Variants in RCN2 observed in about 807,000 individuals in gnomAD.
The protein encoded by RCN2 is reticulocalbin 2, also known as reticulocalbin-2.
In RCN2, 23 loss-of-function variants were observed where a neutral mutation model predicts 37.5. The observed-to-expected ratio is 0.61, with a 90% CI of 0.44 to 0.87. The LOEUF is 0.87. Among genes scored for constraint, RCN2 ranks in the 40% least tolerant of loss-of-function variants. The probability of loss-of-function intolerance (pLI) is 0.00; values close to 1 mark genes in which losing one functional copy is unlikely to be tolerated. For synonymous variants in RCN2, 140 were observed against 144.6 expected, an observed-to-expected ratio of 0.97 and a Z score of 0.23; for missense variants, 381 against 390.4, an observed-to-expected ratio of 0.98 and a Z score of 0.20.
At chr15:76,939,624 T>G (rs1031816760) in intron 3 of RCN2, among the ~76,000 whole-genome samples, 4 of 152,204 alleles carry the variant, frequency 2.6e-5, no homozygotes, top group Non-Finnish European at 5.9e-5. Context: ...ATCTGTCTAT[T>G]AAGTATCCCC....
intron 3 of RCN2, among the ~76,000 whole-genome samples, chr15:76,940,962 A>G (rs1173072876): frequency 6.6e-6 from 1 of 152,198 alleles, no homozygotes; most frequent in Admixed American, 6.5e-5. Flanking sequence ...AATATAAAGA[A>G]CAGTTATGGT....
chr15:76,934,911 T>TA (rs2075240323), intron 2 of RCN2, among the ~76,000 whole-genome samples: 1 of 152,194 alleles, frequency 6.6e-6, no homozygotes, highest in Non-Finnish European at 1.5e-5. Context: ...GGCCAGTTGG[T>TA]AATTCATTCA....
chr15:76,938,624 A>G (rs1333378226), intron 3 of RCN2: 2 of 422,202 alleles, frequency 4.7e-6, no homozygotes, highest in Non-Finnish European at 5.0e-6. Context: ...TCCTTGGTAA[A>G]TGCTTTCTAA....
intron 6 of RCN2, 96 bp from the exon 7 acceptor site, chr15:76,948,974 C>A: frequency 8.9e-7 from 1 of 1,117,358 alleles, no homozygotes; most frequent in Non-Finnish European, 1.3e-6. Flanking sequence ...AGTACTTGTA[C>A]ACCTGGATGA....
chr15:76,936,335 T>G (rs1338662196), intron 3 of RCN2, among the ~76,000 whole-genome samples: 1 of 150,776 alleles, frequency 6.6e-6, no homozygotes, highest in Non-Finnish European at 1.5e-5. Context: ...CCAACCTTTT[T>G]GGCACCAGGG....
chr15:76,949,353 G>C lies in RCN2; in HGVS notation c.*131G>C. On this transcript the variant is annotated 3_prime_UTR_variant, in exon 7 of 7. Coordinates refer to ENST00000394885, the MANE Select transcript of RCN2 (RefSeq NM_002902.3). ...CCACAGTCAGAATTATCTTAATGTA[G>C]ATTATAATTTTGGTCTTTTAGGAAA... 1 of 648,298 alleles carries C rather than the reference G, an allele frequency of 1.5e-6. No individual in the cohort carries two copies. Among genetic ancestry groups the C allele is most frequent in the South Asian group, 5.1e-5 (1 of 19,502 alleles). 40.2% of individuals were successfully genotyped at this position (648,298 alleles called of 1,614,324 possible).
chr15:76,932,281 C>A, intron 1 of RCN2, 80 bp from the exon 2 acceptor site: 1 of 1,134,332 alleles, frequency 8.8e-7, no homozygotes, highest in Non-Finnish European at 1.3e-6. Flanking sequence ...AGGGGGTCTT[C>A]TAGTAGCCCT....
rs1568457899 is a variant in RCN2, at chr15:76,931,805, T to G, written c.-37T>G. The G allele has an allele frequency of 2.5e-6, 3 of 1,198,560 alleles. No homozygotes were observed. The highest frequency in any genetic ancestry group is 9.0e-5 in the Admixed American group (2 of 22,156). 74.2% of individuals were successfully genotyped at this position (1,198,560 alleles called of 1,614,324 possible). The stretch of plus-strand genomic sequence containing the variant: ...CGGCCCGGGCCCCCGCCAGCCTCCC[T>G]CCTCGCGTCCCTCGGTGTCCTCCGC... On this transcript the variant is annotated 5_prime_UTR_variant, in exon 1 of 7. Coordinates refer to ENST00000394885, the MANE Select transcript of RCN2 (RefSeq NM_002902.3).
chr15:76,935,802 C>A, intron 3 of RCN2, 80 bp downstream of exon 3: 1 of 1,023,894 alleles, frequency 9.8e-7, no homozygotes, highest in Non-Finnish European at 1.5e-6. Flanking sequence ...ACATTGAGGG[C>A]CTGAGGTCAT....
At chr15:76,948,762 C>T in intron 6 of RCN2, 2 of 537,046 alleles carry the variant, frequency 3.7e-6, no homozygotes, top group South Asian at 3.2e-5. Flanking sequence ...TTTGAGAGTA[C>T]AGTGAATAGA....
intron 3 of RCN2, among the ~76,000 whole-genome samples, chr15:76,936,117 G>T (rs778493597): frequency 1.3e-5 from 2 of 150,882 alleles, no homozygotes; most frequent in Non-Finnish European, 1.5e-5. Context: ...AAAAAACTGC[G>T]GTTTCCACAT....
chr15:76,936,939 A>T (rs983454179), intron 3 of RCN2, among the ~76,000 whole-genome samples: 1 of 152,004 alleles, frequency 6.6e-6, no homozygotes, highest in Non-Finnish European at 1.5e-5. Context: ...ATAACTCCCC[A>T]TTCCCTCCTC....
Position 76,953,661 on chromosome 15 carries a change from G to A in RCN2, c.*4439G>A, listed in dbSNP as rs1299125203. 5.5e-5 allele frequency: 7 copies of A among 127,346 alleles called. No homozygotes were observed. The highest frequency in any genetic ancestry group is 1.5e-4 in the African/African-American group (5 of 33,090). The allele number at this position is 127,346 out of a possible 1,614,324, so 7.9% of individuals were successfully genotyped here. Reference sequence around the variant, plus strand: ...CTCGCTCTGTCGCCCAGGCTGGAGTGCAGTGGCGCGATCTCGGCTCACTGC... The same window carrying A: ...CTCGCTCTGTCGCCCAGGCTGGAGTACAGTGGCGCGATCTCGGCTCACTGC... On this transcript the variant is annotated 3_prime_UTR_variant, in exon 7 of 7. Coordinates refer to ENST00000394885, the MANE Select transcript of RCN2 (RefSeq NM_002902.3).
At chr15:76,944,946 A>G (rs759374629) in intron 4 of RCN2, among the ~76,000 whole-genome samples, 42 of 152,046 alleles carry the variant, frequency 2.8e-4, no homozygotes, top group Admixed American at 3.9e-4. Context: ...TTTTTGAGGA[A>G]CCTCCAAACT....
intron 4 of RCN2, 44 bp from the exon 5 acceptor site, chr15:76,947,377 C>G: frequency 7.8e-7 from 1 of 1,288,538 alleles, no homozygotes; most frequent in Non-Finnish European, 1.1e-6. Flanking sequence ...TGGGACTGAA[C>G]ATTTTGTAAC....
chr15:76,942,960 A>G (rs964707930), intron 3 of RCN2: 3 of 152,190 alleles, frequency 2.0e-5, no homozygotes, highest in Non-Finnish European at 1.5e-5. Context: ...CCCAAAAAAG[A>G]AAAGATTTCC....
At position 76,952,568 on chromosome 15, in the gene RCN2, C is replaced by G. The variant is rs1596009320; in HGVS notation, c.*3346C>G. 6.6e-6 allele frequency: 1 copy of G among 152,300 alleles called. No individual in the cohort carries two copies. The highest frequency in any genetic ancestry group is 1.9e-4 in the East Asian group (1 of 5,178). The allele number at this position is 152,300 out of a possible 1,614,324, so 9.4% of individuals were successfully genotyped here. A position where few individuals can be genotyped will look rare whatever the true frequency, so the allele number is the denominator to read the frequency against. ...CATTTGTAAAACGGAAATTTATACC[C>G]ATTAAACAATAAAGCCCCCTTTCCC... is the stretch of plus-strand genomic sequence containing the variant. On this transcript the variant is annotated 3_prime_UTR_variant, in exon 7 of 7. Coordinates refer to ENST00000394885, the MANE Select transcript of RCN2 (RefSeq NM_002902.3).
chr15:76,952,361 A>G lies in RCN2; in HGVS notation c.*3139A>G, dbSNP rs2075325491. 6.6e-6 allele frequency: 1 copy of G among 151,064 alleles called. No homozygotes were observed. The highest frequency in any genetic ancestry group is 1.5e-5 in the Non-Finnish European group (1 of 67,796). 9.4% of individuals were successfully genotyped at this position (151,064 alleles called of 1,614,324 possible). On this transcript the variant is annotated 3_prime_UTR_variant, in exon 7 of 7. Transcript: ENST00000394885. ...TAAAGTCTTTCTGCTCCACCTATTC[A>G]TCCCTCCCTTCCCTGTAACCCCAAG... is the stretch of plus-strand genomic sequence containing the variant.
chr15:76,938,327 A>T (rs917580401), intron 3 of RCN2, among the ~76,000 whole-genome samples: 1 of 152,226 alleles, frequency 6.6e-6, no homozygotes, highest in Non-Finnish European at 1.5e-5. Context: ...TAATCTAGAA[A>T]TGATTTAAAA....
Sources: gnomAD v4.1 joint callset for allele counts (sites outside exome capture counted in the v4.1 genomes callset) on GRCh38, gnomAD v4.1.1 for gene constraint, MANE v1.5 for transcripts, NCBI Gene and HGNC (gene_info 2026-07-23, HGNC 2026-07-21) for gene names.